DNMT1: variants seen among roughly 807,000 people sequenced by gnomAD.
The protein encoded by DNMT1 is DNA methyltransferase 1.
In DNMT1, 24 loss-of-function variants were observed where a neutral mutation model predicts 205.3. The ratio of observed to expected loss-of-function variants is 0.12; its 90% CI spans 0.08 to 0.16. The LOEUF is 0.16. Ranked by LOEUF, DNMT1 falls within the 10% of genes least tolerant of loss-of-function variation. DNMT1 has a pLI of 1.00. For synonymous variants in DNMT1, 817 were observed against 839.8 expected (o/e 0.97, Z 0.47); for missense variants, 1,293 against 2,177.7 (o/e 0.59, Z 8.09).
At chr19:10,170,004 G>A (rs1204014597) in intron 9 of DNMT1, among the ~76,000 whole-genome samples, 1 of 152,056 alleles carries the variant, frequency 6.6e-6, no homozygotes, top group African/African-American at 2.4e-5. Flanking sequence ...GACCAGCCTC[G>A]GCCGGGCGTG....
chr19:10,189,562 G>C (rs2039261364), intron 1 of DNMT1, among the ~76,000 whole-genome samples: 1 of 151,752 alleles, frequency 6.6e-6, no homozygotes, highest in Non-Finnish European at 1.5e-5. Flanking sequence ...TGGGACCCCA[G>C]GTGCATGCCA....
chr19:10,151,343 C>T lies in DNMT1; in HGVS notation c.2265+55G>A. ...GTCAGGTTGGCGAGATACTAGAGGG[C>T]AACCTGCTTATTGGGAACATGGCAG... On this transcript the variant is annotated intron_variant, in intron 24 of 40. Transcript: ENST00000359526. This position sits in a 1 kb window ranked among gnomAD's most constrained non-coding sequence, Gnocchi z 5.0. 6.2e-7 allele frequency: 1 copy of T among 1,604,550 alleles called. No individual in the cohort carries two copies. Among genetic ancestry groups the T allele is most frequent in the Admixed American group, 1.7e-5 (1 of 60,004 alleles).
intron 12 of DNMT1, 112 bp from the exon 13 acceptor site, chr19:10,162,860 A>G: frequency 8.4e-7 from 1 of 1,189,716 alleles, no homozygotes; most frequent in South Asian, 1.3e-5. Flanking sequence ...CAAGATACCC[A>G]TGGGAGCTCT....
chr19:10,142,385 G>A (rs2089617313), intron 29 of DNMT1, among the ~76,000 whole-genome samples, 165 bp from the exon 30 acceptor site: 1 of 151,022 alleles, frequency 6.6e-6, no homozygotes, highest in South Asian at 2.1e-4. Context: ...GCAGGGTAAA[G>A]ATATCTCCTC....
At position 10,156,312 on chromosome 19, in the gene DNMT1, G is replaced by A; in HGVS notation, c.1399+79C>T. On this transcript the variant is annotated intron_variant, in intron 18 of 40. Coordinates refer to ENST00000359526, the MANE Select transcript of DNMT1 (RefSeq NM_001130823.3). The surrounding 1 kb of genome is among the most constrained non-coding windows in gnomAD (Gnocchi z 4.2). ...TCCTCTGGCCTCAGACCCCCAAAGT[G>A]CTAGGATTACAGATGTGAGCCACCC... is the stretch of plus-strand genomic sequence containing the variant. The A allele has an allele frequency of 8.6e-7, 1 of 1,164,246 alleles. No individual in the cohort carries two copies. Among genetic ancestry groups the A allele is most frequent in the Non-Finnish European group, 1.3e-6 (1 of 777,772 alleles). The allele number at this position is 1,164,246 out of a possible 1,614,324, so 72.1% of individuals were successfully genotyped here. A position where few individuals can be genotyped will look rare whatever the true frequency, so the allele number is the denominator to read the frequency against.
At chr19:10,162,781 G>C (rs761683091) in intron 12 of DNMT1, 33 bp from the exon 13 acceptor site, 86 of 1,609,936 alleles carry the variant, frequency 5.3e-5, no homozygotes, top group Non-Finnish European at 7.0e-5. Flanking sequence ...GCAAGTAGCA[G>C]CTTAGAAACA....
chr19:10,160,433 C>T lies in DNMT1; in HGVS notation c.1009-15G>A, dbSNP rs2145322874. 1 of 1,613,742 alleles carries T rather than the reference C, an allele frequency of 6.2e-7. No individual in the cohort carries two copies. Among genetic ancestry groups the T allele is most frequent in the Non-Finnish European group, 8.5e-7 (1 of 1,179,820 alleles). ...CTCTTCTCCTCCTACACAGGGAAAA[C>T]AAAAGAGGATTAAAGGCTAAGAGAG... On this transcript the variant is annotated splice_polypyrimidine_tract_variant and intron_variant, in intron 13 of 40. Coordinates refer to ENST00000359526, the MANE Select transcript of DNMT1 (RefSeq NM_001130823.3).
At chr19:10,180,939 T>A in intron 2 of DNMT1, 54 bp from the exon 3 acceptor site, 1 of 1,436,338 alleles carries the variant, frequency 7.0e-7, no homozygotes, top group Non-Finnish European at 9.8e-7. Context: ...TATTCACTAG[T>A]GGACTAATAC....
Position 10,137,568 on chromosome 19 carries a change from T to C in DNMT1, c.4293+264A>G. ...CTGGTCTTGGCATCCTGGGAAAACATGCGGGGAGAGGCAGCAAGGGGGAAG... is the reference window on the plus strand; with the variant it reads ...CTGGTCTTGGCATCCTGGGAAAACACGCGGGGAGAGGCAGCAAGGGGGAAG... On this transcript the variant is annotated intron_variant, in intron 36 of 40. Transcript: ENST00000359526. This position sits in a 1 kb window ranked among gnomAD's most constrained non-coding sequence, Gnocchi z 6.4. 1.6e-6 allele frequency: 1 copy of C among 642,436 alleles called. No individual in the cohort carries two copies. Among genetic ancestry groups the C allele is most frequent in the Non-Finnish European group, 2.7e-6 (1 of 371,458 alleles). The allele number at this position is 642,436 out of a possible 1,614,324, so 39.8% of individuals were successfully genotyped here. A position where few individuals can be genotyped will look rare whatever the true frequency, so the allele number is the denominator to read the frequency against.
chr19:10,149,676 C>A lies in DNMT1; in HGVS notation c.2382-19G>T. ...CGTGACCCTGGAATCAGAAGACGGG[C>A]ATGGGGAGAAAGTTCTGACTTGGCC... On this transcript the variant is annotated intron_variant, in intron 25 of 40. Coordinates refer to ENST00000359526, the MANE Select transcript of DNMT1 (RefSeq NM_001130823.3). 2 of 1,613,190 alleles carry A rather than the reference C, an allele frequency of 1.2e-6. No homozygotes were observed. The highest frequency in any genetic ancestry group is 2.2e-5 in the East Asian group (1 of 44,880).
At position 10,137,146 on chromosome 19, in the gene DNMT1, A is replaced by C. The variant is rs142647321; in HGVS notation, c.4428T>G (p.His1476Gln). The change falls in exon 37 of 41, where the codon CAT (histidine) becomes CAG (glutamine). Residue 1476 changes from histidine to glutamine, a missense_variant. His to Gln is a conservative substitution (Grantham distance 24). Around this residue, in one of 13 missense-constraint regions of DNMT1, gnomAD observed 148 missense variants for 256.1 expected, o/e 0.58. Transcript: ENST00000359526. This position sits in a 1 kb window ranked among gnomAD's most constrained non-coding sequence, Gnocchi z 6.4. ...TMARKLRYTH[H>Q]DRKNGRSSSG... ...AGCTGCTGCGGCCGTTCTTCCTGTC[A>C]TGGTGGGTATACCGCAGCTTCCTGG... The C allele has an allele frequency of 2.7e-3, 4,341 of 1,610,694 alleles. 15 individuals are homozygous for C. Among genetic ancestry groups the C allele is most frequent in the Middle Eastern group, 3.0e-3 (18 of 6,052 alleles).
Position 10,159,912 on chromosome 19 carries a change from G to A in DNMT1, c.1100C>T (p.Pro367Leu), listed in dbSNP as rs756138932. 6 of 1,614,112 alleles carry A rather than the reference G, an allele frequency of 3.7e-6. No homozygotes were observed. Among genetic ancestry groups the A allele is most frequent in the Non-Finnish European group, 5.1e-6 (6 of 1,180,054 alleles). Reference protein sequence around the residue: ...KTVMNSKTHPPKCIQCGQYLD... With the variant: ...KTVMNSKTHPLKCIQCGQYLD... ...GTACTGCCCGCACTGAATGCACTTG[G>A]GAGGGTGGGTCTGTGGGAGCAGGAA... is the stretch of plus-strand genomic sequence containing the variant. The change falls in exon 16 of 41, where the codon CCC (proline) becomes CTC (leucine). Residue 367 changes from proline (P) to leucine (L), a missense_variant. Pro to Leu is a moderately conservative substitution (Grantham distance 98, BLOSUM62 -3). This residue lies in a region of DNMT1 where 120 missense variants were observed against 315.9 expected (regional missense o/e 0.38). Transcript: ENST00000359526. This position sits in a 1 kb window ranked among gnomAD's most constrained non-coding sequence, Gnocchi z 5.0.
At chr19:10,142,308 G>A (rs755439277) in intron 29 of DNMT1, 88 bp from the exon 30 acceptor site, 44 of 1,582,776 alleles carry the variant, frequency 2.8e-5, no homozygotes, top group South Asian at 1.0e-4. Flanking sequence ...GGGTGCTCAG[G>A]GAACTGCAGG....
Position 10,154,603 on chromosome 19 carries a change from C to T in DNMT1, c.1815G>A (p.Gly605=), listed in dbSNP as rs769410287. ...ATCCTTACCTCTGTCCCAGCGTGAC[C>T]CCAGCCAGCTTGATCAGGTCCCGCA... ...PCMRDLIKLA[G]VTLGQRRAQA... The change falls in exon 21 of 41, where the codon GGG becomes GGA. Residue 605 remains glycine, a synonymous_variant. Coordinates refer to ENST00000359526, the MANE Select transcript of DNMT1 (RefSeq NM_001130823.3). This position sits in a 1 kb window ranked among gnomAD's most constrained non-coding sequence, Gnocchi z 6.3. 3 of 1,614,016 alleles carry T rather than the reference C, an allele frequency of 1.9e-6. No homozygotes were observed. Among genetic ancestry groups the T allele is most frequent in the Admixed American group, 1.7e-5 (1 of 60,012 alleles).
chr19:10,152,157 T>A (rs1217361191), intron 22 of DNMT1, among the ~76,000 whole-genome samples: 3 of 10,852 alleles, frequency 2.8e-4, no homozygotes, highest in South Asian at 4.6e-3. Context: ...TAAAACTCCA[T>A]CTCAAAAAAA....
At chr19:10,167,823 AGGGCCCTGG>A (rs1252835682) in intron 10 of DNMT1, among the ~76,000 whole-genome samples, 1 of 152,130 alleles carries the variant, frequency 6.6e-6, no homozygotes, top group Non-Finnish European at 1.5e-5. Flanking sequence ...AACCCTGAGA[AGGGCCCTGG>A]GGTTGGGAGG....
rs138841970 is a variant in DNMT1 at position 10,180,389 on chromosome 19, G to A, written c.406C>T (p.Arg136Cys). ...NSPPKPLSKP[R>C]TPRRSKSDGE... ...TCGGACTTGCTCCTCCTGGGCGTGCGAGGTTTGGAAAGGGGTTTGGGGGGG... is the reference window on the plus strand; with the variant it reads ...TCGGACTTGCTCCTCCTGGGCGTGCAAGGTTTGGAAAGGGGTTTGGGGGGG... The change falls in exon 4 of 41, where the codon CGC (arginine) becomes TGC (cysteine). Residue 136 changes from arginine (R) to cysteine (C), a missense_variant. Physicochemically the swap from Arg to Cys is radical, Grantham distance 180. Around this residue, in one of 13 missense-constraint regions of DNMT1, gnomAD observed 394 missense variants for 451.6 expected, o/e 0.87. Coordinates refer to ENST00000359526, the MANE Select transcript of DNMT1 (RefSeq NM_001130823.3). The A allele has an allele frequency of 3.3e-4, 528 of 1,613,806 alleles. 1 individual carries two copies. The highest frequency in any genetic ancestry group is 4.9e-4 in the Middle Eastern group (3 of 6,062).
Position 10,177,339 on chromosome 19 carries a change from T to C in DNMT1, c.522A>G (p.Thr174=). The C allele has an allele frequency of 1.9e-6, 3 of 1,613,856 alleles. No homozygotes were observed. The highest frequency in any genetic ancestry group is 2.5e-6 in the Non-Finnish European group (3 of 1,179,980). ...TGGTGGTTTGCCTGGTGCTTTTCCT[T>C]GTAATCCTGGGGCTAGGTGAAGGTT... ...RAEPSPSPRI[T]RKSTRQTTIT... The change falls in exon 6 of 41, where the codon ACA becomes ACG. Residue 174 remains threonine (T), a synonymous_variant. Coordinates refer to ENST00000359526, the MANE Select transcript of DNMT1 (RefSeq NM_001130823.3).
At chr19:10,165,836 G>C (rs2145338301) in intron 11 of DNMT1, among the ~76,000 whole-genome samples, 1 of 152,312 alleles carries the variant, frequency 6.6e-6, no homozygotes, top group East Asian at 1.9e-4. Context: ...TTGGACAGAA[G>C]AGGTGAGGGA....
Sources: gnomAD v4.1 joint callset for allele counts (sites outside exome capture counted in the v4.1 genomes callset) on GRCh38, gnomAD v4.1.1 for gene constraint, gnomAD v4.1.1 regional missense constraint, Gnocchi (gnomAD v3.1) non-coding constraint, MANE v1.5 for transcripts, NCBI Gene and HGNC (gene_info 2026-07-23, HGNC 2026-07-21) for gene names.